Variants in HYCC2 observed in about 807,000 individuals in gnomAD.
HYCC2 encodes hyccin 2.
the HYCC2 span, among the ~76,000 whole-genome samples, chr2:201,052,796 C>T: frequency 4.6e-5 from 7 of 152,244 alleles, 1 homozygote; most frequent in South Asian, 1.2e-3. Flanking sequence ...GCTAAGAGTA[C>T]AGGTAGACCA....
At chr2:201,048,792 A>G in the HYCC2 span, among the ~76,000 whole-genome samples, 1 of 152,178 alleles carries the variant, frequency 6.6e-6, no homozygotes. Context: ...ATCCAACAGG[A>G]AGGTACCACA....
chr2:201,067,260 A>G, the HYCC2 span: 8 of 164,592 alleles, frequency 4.9e-5, no homozygotes, highest in Admixed American at 5.0e-4. Flanking sequence ...AAAAAGAATC[A>G]AGCACTATCA....
the HYCC2 span, among the ~76,000 whole-genome samples, chr2:200,989,642 G>A: frequency 2.6e-5 from 4 of 151,860 alleles, no homozygotes; most frequent in African/African-American, 4.8e-5. Flanking sequence ...GTGAGATCTC[G>A]TCTCCACAAA....
chr2:201,052,776 A>AG, the HYCC2 span, among the ~76,000 whole-genome samples: 1 of 152,188 alleles, frequency 6.6e-6, no homozygotes, highest in African/African-American at 2.4e-5. Context: ...CTCTGAGTTA[A>AG]GGAGGCAGAG....
At chr2:201,037,167 T>C in the HYCC2 span, among the ~76,000 whole-genome samples, 10 of 152,106 alleles carry the variant, frequency 6.6e-5, no homozygotes, top group South Asian at 2.1e-4. Flanking sequence ...GAATAAAATA[T>C]CTAGGAATCC....
At chr2:201,043,448 A>G in the HYCC2 span, among the ~76,000 whole-genome samples, 1 of 150,478 alleles carries the variant, frequency 6.6e-6, no homozygotes. Flanking sequence ...AAAAAAAAAA[A>G]AGAAAGAAAA....
the HYCC2 span, among the ~76,000 whole-genome samples, chr2:201,027,144 C>T: frequency 6.6e-6 from 1 of 152,124 alleles, no homozygotes; most frequent in African/African-American, 2.4e-5. Flanking sequence ...CACCACTGAT[C>T]CCACAGAAAT....
chr2:201,032,468 T>C, the HYCC2 span, among the ~76,000 whole-genome samples: 1 of 152,166 alleles, frequency 6.6e-6, no homozygotes, highest in African/African-American at 2.4e-5. Context: ...CAATACTGAG[T>C]TATCCCACAG....
At chr2:201,068,381 G>C in the HYCC2 span, among the ~76,000 whole-genome samples, 2 of 152,160 alleles carry the variant, frequency 1.3e-5, no homozygotes, top group African/African-American at 4.8e-5. Context: ...AGATTTGGCA[G>C]CCCTTTCTCT....
At chr2:200,992,471 T>G in the HYCC2 span, 255 of 799,768 alleles carry the variant, frequency 3.2e-4, 1 homozygote, top group Middle Eastern at 4.4e-4. Context: ...GAAGCAAAAC[T>G]TTCATACCAA....
chr2:200,985,765 T>C, the HYCC2 span, among the ~76,000 whole-genome samples: 10 of 152,208 alleles, frequency 6.6e-5, no homozygotes, highest in African/African-American at 2.2e-4. Flanking sequence ...CTCCCCCAAA[T>C]TGAAATTTTA....
the HYCC2 span, among the ~76,000 whole-genome samples, chr2:201,058,181 A>C: frequency 1.3e-5 from 2 of 152,166 alleles, no homozygotes; most frequent in East Asian, 3.9e-4. Flanking sequence ...TTTCCATAGC[A>C]TACAACCCTG....
the HYCC2 span, among the ~76,000 whole-genome samples, chr2:201,033,693 G>A: frequency 4.0e-5 from 6 of 151,486 alleles, no homozygotes; most frequent in African/African-American, 7.3e-5. Context: ...TGTAAGCGAC[G>A]GCACCCAGCC....
At chr2:201,031,693 G>A in the HYCC2 span, among the ~76,000 whole-genome samples, 1 of 151,968 alleles carries the variant, frequency 6.6e-6, no homozygotes, top group Admixed American at 6.6e-5. Context: ...CTTAGTTAAG[G>A]CTTGACTCTT....
the HYCC2 span, among the ~76,000 whole-genome samples, chr2:201,034,703 A>T: frequency 5.5e-4 from 83 of 152,190 alleles, no homozygotes; most frequent in African/African-American, 1.9e-3. Context: ...TCCTAGCCTC[A>T]ATGGTCTTTA....
At chr2:201,067,164 G>T in the HYCC2 span, 1 of 226,894 alleles carries the variant, frequency 4.4e-6, no homozygotes, top group Admixed American at 4.1e-5. Flanking sequence ...ATGCTTTGGA[G>T]GTTGTCAACA....
the HYCC2 span, chr2:201,017,036 C>G: frequency 6.2e-7 from 1 of 1,614,110 alleles, no homozygotes; most frequent in South Asian, 1.1e-5. Context: ...AACCATTACT[C>G]TGTCTGTCTC....
chr2:201,000,788 T>C, the HYCC2 span, among the ~76,000 whole-genome samples: 1 of 152,108 alleles, frequency 6.6e-6, no homozygotes, highest in African/African-American at 2.4e-5. Context: ...ACAGCTGTTG[T>C]GGTCTAAATT....
At chr2:201,020,454 T>C in the HYCC2 span, among the ~76,000 whole-genome samples, 6 of 152,134 alleles carry the variant, frequency 3.9e-5, no homozygotes, top group Admixed American at 2.6e-4. Context: ...ATGAAGTTCA[T>C]CTGTGAATAG....
Sources: gnomAD v4.1 joint callset for allele counts (sites outside exome capture counted in the v4.1 genomes callset) on GRCh38, gnomAD v4.1.1 for gene constraint, MANE v1.5 for transcripts, NCBI Gene and HGNC (gene_info 2026-07-23, HGNC 2026-07-21) for gene names.